NEO1: variants seen among roughly 807,000 people sequenced by gnomAD.
NEO1 encodes neogenin 1.
NEO1 carries 63 observed loss-of-function variants against 159.7 expected under a neutral mutation model. The ratio of observed to expected loss-of-function variants is 0.39; its 90% CI spans 0.32 to 0.49. NEO1 has a LOEUF of 0.49. NEO1 is among the 20% of genes least tolerant of loss of function. NEO1 has a pLI of 0.85. For synonymous variants in NEO1, 633 were observed against 662.0 expected (o/e 0.96, Z 0.67); for missense variants, 1,615 against 1,831.0 (o/e 0.88, Z 2.15).
intron 5 of NEO1, among the ~76,000 whole-genome samples, chr15:73,170,272 A>G (rs923478483): frequency 2.0e-5 from 3 of 152,198 alleles, no homozygotes; most frequent in Non-Finnish European, 4.4e-5. Context: ...CTATGGGTGT[A>G]GGATAAAGTA....
At chr15:73,069,336 G>C (rs1453734717) in intron 1 of NEO1, among the ~76,000 whole-genome samples, 1 of 151,896 alleles carries the variant, frequency 6.6e-6, no homozygotes, top group Admixed American at 6.6e-5. Flanking sequence ...CAGATTTTGG[G>C]AGCACAGATG....
chr15:73,077,528 T>A (rs2068832193), intron 1 of NEO1, among the ~76,000 whole-genome samples: 1 of 152,214 alleles, frequency 6.6e-6, no homozygotes, highest in Non-Finnish European at 1.5e-5. Flanking sequence ...TTTCTCTGAT[T>A]TAAGATGTAG....
intron 11 of NEO1, among the ~76,000 whole-genome samples, chr15:73,251,753 G>A (rs2040083896): frequency 6.6e-6 from 1 of 152,154 alleles, no homozygotes. Flanking sequence ...GTGGCTAGGG[G>A]CAGCACTTTG....
chr15:73,299,268 A>G (rs983605956), intron 27 of NEO1, among the ~76,000 whole-genome samples: 2 of 152,200 alleles, frequency 1.3e-5, no homozygotes, highest in Admixed American at 1.3e-4. Flanking sequence ...ATATCTATCA[A>G]TATTTACCAT....
At chr15:73,253,000 CAAAA>C (rs2040156503) in intron 11 of NEO1, among the ~76,000 whole-genome samples, 1 of 151,208 alleles carries the variant, frequency 6.6e-6, no homozygotes, top group Non-Finnish European at 1.5e-5. Flanking sequence ...CAAAACAAAA[CAAAA>C]CAAAACAAAA....
chr15:73,224,165 ATCT>A (rs1289875583), intron 7 of NEO1, among the ~76,000 whole-genome samples: 1 of 152,168 alleles, frequency 6.6e-6, no homozygotes, highest in Non-Finnish European at 1.5e-5. Flanking sequence ...CTGCTGAGAA[ATCT>A]TCTGTTAATC....
chr15:73,055,794 G>T (rs944756557), intron 1 of NEO1, among the ~76,000 whole-genome samples: 4 of 152,130 alleles, frequency 2.6e-5, no homozygotes, highest in Non-Finnish European at 5.9e-5. Context: ...GTCTTCTTGT[G>T]TTGCCTGTCT....
At position 73,227,923 on chromosome 15, in the gene NEO1, T is replaced by C. The variant is rs147526052; in HGVS notation, c.1292-8424T>C. Among the ~76,000 whole-genome samples the C allele has an allele frequency of 5.3e-5, 8 of 152,346 alleles. No individual in the cohort carries two copies. In the East Asian group the frequency reaches 9.6e-4, roughly 18 times the overall value. ...CACTGTCCTGAGATGTTTAGACTTA[T>C]TCTGGAGGCTGTTTGGTACAGTTAC... On this transcript the variant is annotated intron_variant, in intron 7 of 28. Coordinates refer to ENST00000261908, the MANE Select transcript of NEO1 (RefSeq NM_002499.4).
At chr15:73,099,460 G>A (rs2070277865) in intron 1 of NEO1, among the ~76,000 whole-genome samples, 1 of 152,124 alleles carries the variant, frequency 6.6e-6, no homozygotes, top group African/African-American at 2.4e-5. Context: ...TGTTTATTTT[G>A]CATTGAAAGC....
At chr15:73,249,927 T>G (rs1275317497) in intron 11 of NEO1, among the ~76,000 whole-genome samples, 1 of 152,224 alleles carries the variant, frequency 6.6e-6, no homozygotes, top group Non-Finnish European at 1.5e-5. Context: ...CTGTAAAGAT[T>G]CAGTGAGAAA....
At chr15:73,176,689 A>T in intron 6 of NEO1, 132 bp downstream of exon 6, 1 of 609,128 alleles carries the variant, frequency 1.6e-6, no homozygotes, top group Non-Finnish European at 2.6e-6. Context: ...TTCACATAGA[A>T]TGTAATACCT....
In NEO1 at chr15:73,293,392, G is replaced by A; in HGVS notation, c.3745G>A (p.Val1249Met). 1 of 1,614,112 alleles carries A rather than the reference G, an allele frequency of 6.2e-7. No individual in the cohort carries two copies. The highest frequency in any genetic ancestry group is 1.3e-5 in the African/African-American group (1 of 75,048). ...CTCTGTCTTGTGTTCATTCACAGCT[G>A]TGATTAGTGCCCATCCCATCCATTC... is the stretch of plus-strand genomic sequence containing the variant. ...MPFDSQPPQP[V>M]ISAHPIHSLD... is the part of the protein sequence containing the mutation. The change falls in exon 26 of 29, where the codon GTG (valine) becomes ATG (methionine). Residue 1249 changes from valine (V) to methionine (M), a missense_variant and splice_region_variant. Physicochemically the swap from Val to Met is conservative, Grantham distance 21. Coordinates refer to ENST00000261908, the MANE Select transcript of NEO1 (RefSeq NM_002499.4).
chr15:73,236,937 G>A (rs1056518347), intron 8 of NEO1, among the ~76,000 whole-genome samples: 4 of 152,168 alleles, frequency 2.6e-5, no homozygotes, highest in Non-Finnish European at 4.4e-5. Flanking sequence ...TCCTAAAATA[G>A]CATTTTCATT....
intron 7 of NEO1, among the ~76,000 whole-genome samples, chr15:73,199,418 C>T (rs534177615): frequency 1.8e-4 from 27 of 152,036 alleles, no homozygotes; most frequent in Non-Finnish European, 2.9e-4. Context: ...AGTCATTATA[C>T]ACTGTCTACA....
chr15:73,108,110 A>G (rs1217996413), intron 1 of NEO1, among the ~76,000 whole-genome samples: 5 of 152,242 alleles, frequency 3.3e-5, no homozygotes, highest in South Asian at 2.1e-4. Context: ...CTCATCTAGC[A>G]GAATGAAAAA....
At chr15:73,174,321 A>T (rs1178703803) in intron 5 of NEO1, among the ~76,000 whole-genome samples, 1 of 152,130 alleles carries the variant, frequency 6.6e-6, no homozygotes, top group African/African-American at 2.4e-5. Context: ...GGGCACAGGA[A>T]ATCCCCTGCT....
At chr15:73,137,823 A>C (rs901394515) in intron 5 of NEO1, among the ~76,000 whole-genome samples, 1 of 152,142 alleles carries the variant, frequency 6.6e-6, no homozygotes, top group Non-Finnish European at 1.5e-5. Flanking sequence ...TTGATGAGCA[A>C]ACTCATGAAT....
At chr15:73,129,908 AC>A (rs1360076375) in intron 4 of NEO1, among the ~76,000 whole-genome samples, 3 of 152,240 alleles carry the variant, frequency 2.0e-5, no homozygotes, top group African/African-American at 7.2e-5. Flanking sequence ...TGTGAAACAA[AC>A]ATAAGAAGAC....
chr15:73,055,999 C>A (rs989907957), intron 1 of NEO1, among the ~76,000 whole-genome samples: 1 of 152,180 alleles, frequency 6.6e-6, no homozygotes, highest in African/African-American at 2.4e-5. Context: ...GTACTGTTAC[C>A]CTCTAGAAGT....
Sources: gnomAD v4.1 joint callset for allele counts (sites outside exome capture counted in the v4.1 genomes callset) on GRCh38, gnomAD v4.1.1 for gene constraint, MANE v1.5 for transcripts, NCBI Gene and HGNC (gene_info 2026-07-23, HGNC 2026-07-21) for gene names.